RUNX2: variants seen among roughly 807,000 people sequenced by gnomAD.
The protein encoded by RUNX2 is runt-related transcription factor 2.
In RUNX2, 10 loss-of-function variants were observed where a neutral mutation model predicts 51.7. That is an observed-to-expected ratio of 0.19 (90% CI 0.12 to 0.33). RUNX2 has a LOEUF of 0.33. Among genes scored for constraint, RUNX2 ranks in the 10% least tolerant of loss-of-function variants. The probability of loss-of-function intolerance (pLI) is 1.00; values close to 1 mark genes in which losing one functional copy is unlikely to be tolerated. For synonymous variants in RUNX2, 276 were observed against 273.6 expected (o/e 1.01, Z -0.09); for missense variants, 562 against 691.3 (o/e 0.81, Z 2.10).
intron 3 of RUNX2, among the ~76,000 whole-genome samples, chr6:45,423,470 C>T (rs1210277211): frequency 6.6e-6 from 1 of 152,142 alleles, no homozygotes; most frequent in African/African-American, 2.4e-5. Flanking sequence ...TCACCCGCTT[C>T]CCTCACAGCC....
chr6:45,445,240 G>A (rs1045453558), intron 5 of RUNX2, among the ~76,000 whole-genome samples: 1 of 152,002 alleles, frequency 6.6e-6, no homozygotes, highest in Admixed American at 6.6e-5. Flanking sequence ...TGGCCAGGCT[G>A]GTCTCAAACT....
intron 5 of RUNX2, among the ~76,000 whole-genome samples, chr6:45,448,146 G>T (rs933798401): frequency 1.3e-5 from 2 of 152,198 alleles, no homozygotes; most frequent in Non-Finnish European, 2.9e-5. Flanking sequence ...TGGGGAGGAG[G>T]TCAGAGGGAA....
At chr6:45,486,437 G>A (rs1800284145) in intron 5 of RUNX2, among the ~76,000 whole-genome samples, 1 of 152,130 alleles carries the variant, frequency 6.6e-6, no homozygotes, top group South Asian at 2.1e-4. Context: ...CCTTATTGAT[G>A]CTCTATTACA....
chr6:45,388,097 T>G (rs1173200232), intron 2 of RUNX2, among the ~76,000 whole-genome samples: 1 of 152,106 alleles, frequency 6.6e-6, no homozygotes, highest in African/African-American at 2.4e-5. Context: ...TTTGAACACT[T>G]GGGATAGACG....
In RUNX2 at chr6:45,520,234, G is replaced by A. The variant is rs114501345; in HGVS notation, c.1021+7827G>A. Among the ~76,000 whole-genome samples the A allele has an allele frequency of 3.9e-3, 590 of 152,216 alleles. 4 individuals carry two copies. The highest frequency in any genetic ancestry group is 0.013 in the African/African-American group (542 of 41,520). ...TTTGTTGCTGACTTTGTCAGTGGTC[G>A]TTCCTATTAGAAAGCATTTCACACA... On this transcript the variant is annotated intron_variant, in intron 7 of 8. Coordinates refer to ENST00000647337, the MANE Select transcript of RUNX2 (RefSeq NM_001024630.4).
At chr6:45,474,822 T>C (rs1469509277) in intron 5 of RUNX2, among the ~76,000 whole-genome samples, 3 of 152,198 alleles carry the variant, frequency 2.0e-5, no homozygotes, top group Admixed American at 6.5e-5. Flanking sequence ...CTTTGGTCAC[T>C]GAATCACACT....
At chr6:45,360,382 C>A (rs73735389) in intron 2 of RUNX2, among the ~76,000 whole-genome samples, 1,879 of 152,208 alleles carry the variant, frequency 0.012, 50 homozygotes, top group African/African-American at 0.043. Context: ...ATTAAAGCAC[C>A]CTTGGAATTA....
chr6:45,490,675 C>T (rs1399707868), intron 5 of RUNX2, among the ~76,000 whole-genome samples: 2 of 152,122 alleles, frequency 1.3e-5, no homozygotes, highest in Admixed American at 6.6e-5. Flanking sequence ...GTGAAAAACT[C>T]CCAGGCTTGA....
chr6:45,522,287 A>T (rs184231079), intron 7 of RUNX2, among the ~76,000 whole-genome samples: 2 of 152,328 alleles, frequency 1.3e-5, no homozygotes, highest in East Asian at 3.9e-4. Flanking sequence ...AGCAAATGTG[A>T]TGGTTACATT....
chr6:45,401,429 A>C (rs1797710770), intron 2 of RUNX2, among the ~76,000 whole-genome samples: 1 of 152,234 alleles, frequency 6.6e-6, no homozygotes, highest in South Asian at 2.1e-4. Context: ...GTACAGTAGA[A>C]TTAAGGAGGA....
chr6:45,470,378 T>C (rs1328583050), intron 5 of RUNX2, among the ~76,000 whole-genome samples: 1 of 152,168 alleles, frequency 6.6e-6, no homozygotes, highest in Non-Finnish European at 1.5e-5. Flanking sequence ...CAGACTTGGG[T>C]TGAATCAGTC....
intron 2 of RUNX2, among the ~76,000 whole-genome samples, chr6:45,340,252 T>A (rs554555798): frequency 6.6e-6 from 1 of 152,266 alleles, no homozygotes; most frequent in South Asian, 2.1e-4. Context: ...TAAGAAATAC[T>A]AATCTGACAG....
At chr6:45,399,181 T>C (rs1254026657) in intron 2 of RUNX2, among the ~76,000 whole-genome samples, 1 of 152,024 alleles carries the variant, frequency 6.6e-6, no homozygotes, top group African/African-American at 2.4e-5. Flanking sequence ...TCTCTTCATC[T>C]GTATTTCTAC....
chr6:45,535,093 C>A (rs548386639), intron 7 of RUNX2, among the ~76,000 whole-genome samples: 1 of 151,980 alleles, frequency 6.6e-6, no homozygotes, highest in Admixed American at 6.6e-5. Flanking sequence ...GCCTATTGGA[C>A]GGTGGAGGCT....
At chr6:45,401,691 T>G (rs1797715018) in intron 2 of RUNX2, among the ~76,000 whole-genome samples, 1 of 152,260 alleles carries the variant, frequency 6.6e-6, no homozygotes. Context: ...GTGATTGGAC[T>G]GTGTGACTGA....
At chr6:45,462,083 C>T (rs1383805735) in intron 5 of RUNX2, among the ~76,000 whole-genome samples, 1 of 152,038 alleles carries the variant, frequency 6.6e-6, no homozygotes, top group Non-Finnish European at 1.5e-5. Context: ...GCAAAATGTA[C>T]AGAGAAACCC....
chr6:45,516,207 T>C (rs916432579), intron 7 of RUNX2, among the ~76,000 whole-genome samples: 1 of 152,196 alleles, frequency 6.6e-6, no homozygotes, highest in African/African-American at 2.4e-5. Flanking sequence ...CTACAATCCT[T>C]ACTTTACTGC....
rs764306808 is a variant in RUNX2, at chr6:45,422,756, GGCGGCGGCT to G, written c.231_239del (p.Ala87_Ala89del). ...AGCAGCAGCAGCAGCAGGAGGCGGC[GGCGGCGGCT>G]GCGGCGGCGGCGGCGGCTGCGGCGG... On this transcript the variant is annotated inframe_deletion, in exon 3 of 9. Coordinates refer to ENST00000647337, the MANE Select transcript of RUNX2 (RefSeq NM_001024630.4). 8.9e-6 allele frequency: 12 copies of G among 1,349,264 alleles called. No homozygotes were observed. The highest frequency in any genetic ancestry group is 3.0e-6 in the Non-Finnish European group (3 of 995,764). 83.6% of individuals were successfully genotyped at this position (1,349,264 alleles called of 1,614,324 possible). A position where few individuals can be genotyped will look rare whatever the true frequency, so the allele number is the denominator to read the frequency against.
At chr6:45,330,299 C>A (rs1489300041) in intron 2 of RUNX2, among the ~76,000 whole-genome samples, 3 of 151,840 alleles carry the variant, frequency 2.0e-5, no homozygotes, top group Non-Finnish European at 4.4e-5. Context: ...GACTACATTA[C>A]AACACATAGC....
Sources: gnomAD v4.1 joint callset for allele counts (sites outside exome capture counted in the v4.1 genomes callset) on GRCh38, gnomAD v4.1.1 for gene constraint, MANE v1.5 for transcripts, NCBI Gene and HGNC (gene_info 2026-07-23, HGNC 2026-07-21) for gene names.